TENM1: variants seen among roughly 807,000 people sequenced by gnomAD.
TENM1 encodes teneurin transmembrane protein 1, also known as teneurin-1.
A neutral mutation model predicts 174.8 loss-of-function variants in TENM1; 35 were observed. The ratio of observed to expected loss-of-function variants is 0.20; its 90% CI spans 0.15 to 0.27. TENM1 has a LOEUF of 0.27. Among genes scored for constraint, TENM1 ranks in the 10% least tolerant of loss-of-function variants. The probability of loss-of-function intolerance (pLI) is 1.00; values close to 1 mark genes in which losing one functional copy is unlikely to be tolerated. For synonymous variants in TENM1, 781 were observed against 798.7 expected (o/e 0.98, Z 0.37); for missense variants, 1,633 against 2,130.1 (o/e 0.77, Z 4.59).
chrX:124,503,620 C>G, exon 19 of TENM1: 1 of 1,208,696 alleles, frequency 8.3e-7, no homozygotes, highest in Non-Finnish European at 1.1e-6. Context: ...TTAGAAGCAT[C>G]CATCTCAAAA....
intron 3 of TENM1, among the ~76,000 whole-genome samples, chrX:124,877,330 G>C (rs2057222717): frequency 8.9e-6 from 1 of 112,167 alleles, no homozygotes; most frequent in African/African-American, 3.2e-5. Flanking sequence ...CAGTTGGTAA[G>C]TAATGATATT....
chrX:124,435,147 A>G lies in TENM1; in HGVS notation c.4105-12509T>C, dbSNP rs1204534907. On this transcript the variant is annotated intron_variant, in intron 23 of 31. Transcript: ENST00000422452. ...ACAGGACCTCTGCTGGTCTTAACACAGTAGGAAGTGAGACTCTTGTCCTCT... is the reference window on the plus strand; with the variant it reads ...ACAGGACCTCTGCTGGTCTTAACACGGTAGGAAGTGAGACTCTTGTCCTCT... 1.6e-4 allele frequency among the ~76,000 whole-genome samples: 18 copies of G among 111,630 alleles called. No homozygotes were observed. In the Admixed American group the frequency reaches 1.7e-3, roughly 11 times the overall value.
At chrX:124,588,436 C>G (rs2049614279) in intron 11 of TENM1, among the ~76,000 whole-genome samples, 1 of 108,913 alleles carries the variant, frequency 9.2e-6, no homozygotes, top group Non-Finnish European at 1.9e-5. Context: ...TAAACTACAG[C>G]AAGGACAAAA....
At chrX:124,642,064 T>C in intron 10 of TENM1, 73 bp from the exon 14 acceptor site, 3 of 738,026 alleles carry the variant, frequency 4.1e-6, no homozygotes, top group Non-Finnish European at 6.3e-6. Flanking sequence ...CTTAGTATGA[T>C]GAAACGGAGA....
intron 3 of TENM1, among the ~76,000 whole-genome samples, chrX:124,889,522 C>T (rs1393267220): frequency 9.0e-6 from 1 of 111,046 alleles, no homozygotes; most frequent in Non-Finnish European, 1.9e-5. Context: ...CTTAACAATT[C>T]TTCTGAGAAT....
intron 3 of TENM1, among the ~76,000 whole-genome samples, chrX:124,843,519 G>A (rs772758465): frequency 6.6e-4 from 74 of 111,432 alleles, no homozygotes; most frequent in Middle Eastern, 4.6e-3. Context: ...TCATTTAAGA[G>A]ATCTGTTCCT....
chrX:125,100,975 C>T, the TENM1 span, among the ~76,000 whole-genome samples: 2 of 111,565 alleles, frequency 1.8e-5, no homozygotes, highest in Non-Finnish European at 3.8e-5. Context: ...TAAGAACTCA[C>T]TATACAAGAC....
chrX:124,563,411 T>TCA (rs2048867228), intron 13 of TENM1, among the ~76,000 whole-genome samples: 1 of 104,421 alleles, frequency 9.6e-6, no homozygotes, highest in African/African-American at 3.8e-5. Flanking sequence ...AATTATTAAA[T>TCA]TATTAAAAAT....
At chrX:124,725,354 A>T (rs930996797) in intron 4 of TENM1, among the ~76,000 whole-genome samples, 1 of 111,970 alleles carries the variant, frequency 8.9e-6, no homozygotes, top group Non-Finnish European at 1.9e-5. Flanking sequence ...CTTAATAAGT[A>T]TTTGTTAAAA....
chrX:125,050,322 C>A, the TENM1 span, among the ~76,000 whole-genome samples: 1 of 109,475 alleles, frequency 9.1e-6, no homozygotes, highest in Non-Finnish European at 1.9e-5. Context: ...TGCCCCCACC[C>A]CACAACAGGC....
At chrX:124,993,841 C>T in the TENM1 span, among the ~76,000 whole-genome samples, 1 of 111,139 alleles carries the variant, frequency 9.0e-6, no homozygotes. Flanking sequence ...CAAATACACA[C>T]ACACACAAAT....
At chrX:124,387,840 G>A (rs940829428) in intron 28 of TENM1, among the ~76,000 whole-genome samples, 1 of 112,037 alleles carries the variant, frequency 8.9e-6, no homozygotes, top group Non-Finnish European at 1.9e-5. Context: ...TGGACAACCT[G>A]CAGCTTGCCA....
At chrX:124,406,894 G>A (rs376814636) in intron 25 of TENM1, among the ~76,000 whole-genome samples, 1 of 111,196 alleles carries the variant, frequency 9.0e-6, no homozygotes. Flanking sequence ...GGTACAAAAG[G>A]GCCCTCAAAG....
intron 3 of TENM1, among the ~76,000 whole-genome samples, chrX:124,802,162 A>G (rs2055471083): frequency 9.0e-6 from 1 of 111,629 alleles, no homozygotes; most frequent in Non-Finnish European, 1.9e-5. Context: ...CTGGATAGGC[A>G]TTGTGAGCAT....
chrX:124,656,823 A>AT (rs756607510), intron 6 of TENM1, among the ~76,000 whole-genome samples: 11 of 111,739 alleles, frequency 9.8e-5, no homozygotes, highest in Middle Eastern at 4.6e-3. Flanking sequence ...ACAAAATAGT[A>AT]TTTTTTGAGG....
intron 16 of TENM1, among the ~76,000 whole-genome samples, chrX:124,526,106 C>A (rs186502571): frequency 1.3e-4 from 14 of 111,709 alleles, no homozygotes; most frequent in African/African-American, 4.6e-4. Context: ...TAATGAAACA[C>A]CAATCTAGGT....
At chrX:124,796,824 GA>G (rs1365771822) in intron 3 of TENM1, among the ~76,000 whole-genome samples, 5 of 110,913 alleles carry the variant, frequency 4.5e-5, no homozygotes, top group African/African-American at 1.3e-4. Context: ...GCCTCTTTAT[GA>G]AAAAAAGAGA....
At chrX:124,566,435 T>G (rs960660613) in intron 11 of TENM1, among the ~76,000 whole-genome samples, 2 of 112,050 alleles carry the variant, frequency 1.8e-5, no homozygotes, top group Non-Finnish European at 3.8e-5. Flanking sequence ...AATAAAGTCA[T>G]GACAGTAGAT....
chrX:125,175,757 C>T, the TENM1 span, among the ~76,000 whole-genome samples: 4 of 109,381 alleles, frequency 3.7e-5, no homozygotes, highest in Admixed American at 2.0e-4. Flanking sequence ...TAAGGGGAGG[C>T]GAAAAAGGGG....
Sources: gnomAD v4.1 joint callset for allele counts (sites outside exome capture counted in the v4.1 genomes callset) on GRCh38, gnomAD v4.1.1 for gene constraint, MANE v1.5 for transcripts, NCBI Gene and HGNC (gene_info 2026-07-23, HGNC 2026-07-21) for gene names.